The following DNAJC5B variants were observed in gnomAD, a reference collection of about 807,000 sequenced individuals.
The protein encoded by DNAJC5B is DnaJ heat shock protein family (Hsp40) member C5 beta, also known as dnaJ homolog subfamily C member 5B.
A neutral mutation model predicts 24.7 loss-of-function variants in DNAJC5B; 23 were observed. The observed-to-expected ratio is 0.93, with a 90% CI of 0.67 to 1.32. The LOEUF (loss-of-function observed/expected upper bound fraction) is 1.32, where lower values mean the gene tolerates loss of function less well. Among genes scored for constraint, DNAJC5B ranks in the 40% most tolerant of loss-of-function variants. DNAJC5B has a pLI of 0.00. For synonymous variants in DNAJC5B, 101 were observed against 90.1 expected (o/e 1.12, Z -0.68); for missense variants, 238 against 240.8 (o/e 0.99, Z 0.08).
Position 66,026,361 on chromosome 8 carries a change from A to T in DNAJC5B, c.-142+4656A>T, listed in dbSNP as rs937173405. On this transcript the variant is annotated intron_variant, in intron 1 of 5. Coordinates refer to ENST00000276570, the MANE Select transcript of DNAJC5B (RefSeq NM_033105.6). ...GGTTTTTGCGGTTTTGAAGTTTCAA[A>T]TCTCTCCAGTAAAATGAAACACAGG... Among the ~76,000 whole-genome samples the T allele has an allele frequency of 3.3e-5, 5 of 152,314 alleles. No homozygotes were observed. The East Asian group carries it at 9.6e-4, about 29-fold the overall frequency.
intron 2 of DNAJC5B, among the ~76,000 whole-genome samples, chr8:66,050,959 T>C (rs1255234265): frequency 6.6e-6 from 1 of 152,236 alleles, no homozygotes; most frequent in Non-Finnish European, 1.5e-5. Flanking sequence ...CATTTTGTTG[T>C]GTGGTGAGAA....
At chr8:66,092,753 T>A (rs1412305333) in intron 5 of DNAJC5B, among the ~76,000 whole-genome samples, 1 of 152,190 alleles carries the variant, frequency 6.6e-6, no homozygotes, top group East Asian at 1.9e-4. Context: ...AATGAATAGA[T>A]TTATATGCAA....
rs7461462 is a variant in DNAJC5B at position 66,073,174 on chromosome 8, G to A, written c.120-3486G>A. Among the ~76,000 whole-genome samples the A allele has an allele frequency of 4.5e-3, 677 of 152,060 alleles. 3 individuals are homozygous for A. Among genetic ancestry groups the A allele is most frequent in the Middle Eastern group, 0.017 (5 of 294 alleles). On this transcript the variant is annotated intron_variant, in intron 3 of 5. Transcript: ENST00000276570. ...TAATAAAATTTGGACATGAGCTTGG[G>A]AAGTTGGAAGAATAAAAAAATCAAC...
chr8:66,071,795 A>G (rs1310112474), intron 3 of DNAJC5B, among the ~76,000 whole-genome samples: 2 of 152,234 alleles, frequency 1.3e-5, no homozygotes, highest in Non-Finnish European at 2.9e-5. Flanking sequence ...ACTTGGAGCC[A>G]ACCAAAATGT....
At chr8:66,037,131 G>A (rs1479548825) in intron 1 of DNAJC5B, among the ~76,000 whole-genome samples, 2 of 152,184 alleles carry the variant, frequency 1.3e-5, no homozygotes, top group Admixed American at 6.5e-5. Flanking sequence ...AAGGTTGAGG[G>A]ATTGCTGAGG....
In DNAJC5B at chr8:66,040,167, G is replaced by A. The variant is rs191548859; in HGVS notation, c.-141-3321G>A. Among the ~76,000 whole-genome samples, 69 of 152,220 alleles carry A rather than the reference G, an allele frequency of 4.5e-4. No individual in the cohort carries two copies. In the East Asian group the frequency reaches 0.011, roughly 24 times the overall value. On this transcript the variant is annotated intron_variant, in intron 1 of 5. Coordinates refer to ENST00000276570, the MANE Select transcript of DNAJC5B (RefSeq NM_033105.6). The stretch of plus-strand genomic sequence containing the variant: ...AGCACTTTGGGAGGCCGAGGCAGGC[G>A]TATCATGAGGTCAGGAGATCGAGAC...
rs547038700 is a variant in DNAJC5B, at chr8:66,100,188, A to G, written c.*157A>G. The stretch of plus-strand genomic sequence containing the variant: ...AACATGATTGCTATATAATTTTCTC[A>G]GTATGCAGACTTTCTCTCTGAGTAG... On this transcript the variant is annotated 3_prime_UTR_variant, in exon 6 of 6. Coordinates refer to ENST00000276570, the MANE Select transcript of DNAJC5B (RefSeq NM_033105.6). 3 of 601,428 alleles carry G rather than the reference A, an allele frequency of 5.0e-6. No individual in the cohort carries two copies. In the East Asian group the frequency reaches 8.6e-5, roughly 17 times the overall value. 37.3% of individuals were successfully genotyped at this position (601,428 alleles called of 1,614,324 possible).
chr8:66,020,740 C>G (rs904300787), upstream of DNAJC5B, among the ~76,000 whole-genome samples: 4 of 151,970 alleles, frequency 2.6e-5, no homozygotes, highest in African/African-American at 9.6e-5. Flanking sequence ...TGGGTTTAAG[C>G]GATCATCCCC....
At chr8:66,015,130 C>T in the DNAJC5B span, among the ~76,000 whole-genome samples, 1 of 152,310 alleles carries the variant, frequency 6.6e-6, no homozygotes, top group African/African-American at 2.4e-5. Flanking sequence ...CTGAACTACA[C>T]ATAATCCATT....
At chr8:66,052,951 T>C (rs1280355943) in intron 3 of DNAJC5B, among the ~76,000 whole-genome samples, 2 of 152,128 alleles carry the variant, frequency 1.3e-5, no homozygotes, top group Non-Finnish European at 2.9e-5. Context: ...GCCTCACTTC[T>C]GTCACCCAGG....
chr8:66,031,780 G>A (rs1394452581), intron 1 of DNAJC5B, among the ~76,000 whole-genome samples: 1 of 152,160 alleles, frequency 6.6e-6, no homozygotes, highest in Non-Finnish European at 1.5e-5. Flanking sequence ...AGTGAGGGTG[G>A]GGTGGGGGGC....
intron 3 of DNAJC5B, among the ~76,000 whole-genome samples, chr8:66,053,528 A>G (rs1251284978): frequency 6.6e-6 from 1 of 152,184 alleles, no homozygotes; most frequent in Non-Finnish European, 1.5e-5. Context: ...TCCTACCTCC[A>G]GTAATAATTA....
At chr8:66,020,389 T>A (rs115279764), upstream of DNAJC5B, among the ~76,000 whole-genome samples, 792 of 152,332 alleles carry the variant, frequency 5.2e-3, 11 homozygotes, top group African/African-American at 0.019. Flanking sequence ...GAGAGATTCT[T>A]AAAGCACAAT....
chr8:66,078,340 T>C (rs1021661284), intron 4 of DNAJC5B, among the ~76,000 whole-genome samples: 7 of 152,146 alleles, frequency 4.6e-5, no homozygotes, highest in African/African-American at 1.4e-4. Flanking sequence ...CCCATCAGAA[T>C]GGCCCTGCAC....
chr8:66,083,094 C>T (rs1349007031), intron 5 of DNAJC5B, among the ~76,000 whole-genome samples: 4 of 149,610 alleles, frequency 2.7e-5, no homozygotes, highest in South Asian at 2.1e-4. Context: ...TCACTGCAAC[C>T]GCCGCCTCCC....
At chr8:66,074,753 C>A (rs1807424899) in intron 3 of DNAJC5B, among the ~76,000 whole-genome samples, 1 of 152,202 alleles carries the variant, frequency 6.6e-6, no homozygotes. Context: ...AGGCATTGCA[C>A]GACCACCTCC....
intron 5 of DNAJC5B, among the ~76,000 whole-genome samples, chr8:66,093,141 C>T (rs769354354): frequency 6.6e-6 from 1 of 152,154 alleles, no homozygotes; most frequent in Non-Finnish European, 1.5e-5. Context: ...ATCCATTCTA[C>T]TGCTAATGGA....
At chr8:66,055,858 C>G (rs1806951441) in intron 3 of DNAJC5B, among the ~76,000 whole-genome samples, 1 of 152,176 alleles carries the variant, frequency 6.6e-6, no homozygotes, top group Non-Finnish European at 1.5e-5. Flanking sequence ...ACGAGAATCG[C>G]TTGAACCTGG....
intron 3 of DNAJC5B, among the ~76,000 whole-genome samples, chr8:66,058,802 C>T (rs537010145): frequency 6.6e-6 from 1 of 152,292 alleles, no homozygotes; most frequent in Admixed American, 6.5e-5. Context: ...CCTCAAATGA[C>T]AGCTGGGAAA....
Sources: gnomAD v4.1 joint callset for allele counts (sites outside exome capture counted in the v4.1 genomes callset) on GRCh38, gnomAD v4.1.1 for gene constraint, MANE v1.5 for transcripts, NCBI Gene and HGNC (gene_info 2026-07-23, HGNC 2026-07-21) for gene names.